OGFOD3: variants seen among roughly 807,000 people sequenced by gnomAD.
OGFOD3 encodes 2-oxoglutarate and iron-dependent oxygenase domain-containing protein 3.
Under a neutral mutation model 39.8 loss-of-function variants are expected in OGFOD3, and 35 were observed. The observed-to-expected ratio is 0.88, with a 90% CI of 0.67 to 1.17. The LOEUF (loss-of-function observed/expected upper bound fraction) is 1.17, where lower values mean the gene tolerates loss of function less well. OGFOD3 is among the 50% of genes most tolerant of loss of function. OGFOD3 has a pLI of 0.00. For synonymous variants in OGFOD3, 200 were observed against 192.0 expected (o/e 1.04, Z -0.34); for missense variants, 438 against 454.5 (o/e 0.96, Z 0.33).
At chr17:82,397,853 G>C (rs1567866480) in intron 8 of OGFOD3, among the ~76,000 whole-genome samples, 1 of 152,072 alleles carries the variant, frequency 6.6e-6, no homozygotes, top group Non-Finnish European at 1.5e-5. Flanking sequence ...TCTTTGAGAA[G>C]GGTACAGAGG....
At chr17:82,407,764 T>C (rs1225175396) in intron 4 of OGFOD3, among the ~76,000 whole-genome samples, 1 of 152,208 alleles carries the variant, frequency 6.6e-6, no homozygotes, top group East Asian at 1.9e-4. Context: ...CATGTGAACG[T>C]GGAGGAGCTG....
intron 8 of OGFOD3, chr17:82,394,261 A>G: frequency 1.5e-6 from 2 of 1,309,022 alleles, no homozygotes; most frequent in Non-Finnish European, 1.0e-6. Flanking sequence ...AAGTGCTGGG[A>G]TTACAGGCGT....
intron 7 of OGFOD3, among the ~76,000 whole-genome samples, chr17:82,398,776 T>C (rs2052717961): frequency 6.6e-6 from 1 of 151,684 alleles, no homozygotes; most frequent in Non-Finnish European, 1.5e-5. Flanking sequence ...AGCACTGTCA[T>C]TGCTTACCAT....
rs548790847 is a variant in OGFOD3 at position 82,411,628 on chromosome 17, A to G, written c.305-98T>C. On this transcript the variant is annotated intron_variant, in intron 2 of 8. Transcript: ENST00000313056. ...CAGAACTGGCTAATACGCCCGGTCA[A>G]ATGTGAATTTCAGACACACACAACC... The G allele has an allele frequency of 2.2e-5, 20 of 894,696 alleles. No homozygotes were observed. In the South Asian group the frequency reaches 2.7e-4, roughly 12 times the overall value. The allele number at this position is 894,696 out of a possible 1,614,324, so 55.4% of individuals were successfully genotyped here.
Position 82,392,688 on chromosome 17 carries a change from AG to A in OGFOD3, c.824-155del. On this transcript the variant is annotated intron_variant, in intron 8 of 8. Coordinates refer to ENST00000313056, the MANE Select transcript of OGFOD3 (RefSeq NM_024648.3). This position sits in a 1 kb window ranked among gnomAD's most constrained non-coding sequence, Gnocchi z 4.2. ...TTGCCCCTCTGGGAACTGCTTCTGCAGGAAGGAGGAGCTGGAGAAACAAACG... is the reference window on the plus strand; with the variant it reads ...TTGCCCCTCTGGGAACTGCTTCTGCAGAAGGAGGAGCTGGAGAAACAAACG... 2.3e-6 allele frequency: 2 copies of A among 888,190 alleles called. No individual in the cohort carries two copies. The highest frequency in any genetic ancestry group is 3.4e-6 in the Non-Finnish European group (2 of 596,604). The allele number at this position is 888,190 out of a possible 1,614,324, so 55.0% of individuals were successfully genotyped here.
chr17:82,402,207 G>A (rs572247886), intron 7 of OGFOD3, among the ~76,000 whole-genome samples: 1 of 152,126 alleles, frequency 6.6e-6, no homozygotes, highest in Non-Finnish European at 1.5e-5. Flanking sequence ...GGCCGAGGCA[G>A]GTGGATTGCT....
chr17:82,397,233 T>C (rs1195375853), intron 8 of OGFOD3, among the ~76,000 whole-genome samples: 1 of 152,042 alleles, frequency 6.6e-6, no homozygotes, highest in Non-Finnish European at 1.5e-5. Context: ...ACACAGTCCC[T>C]GGTCTGACTG....
intron 3 of OGFOD3, among the ~76,000 whole-genome samples, chr17:82,410,990 G>C (rs1484395954): frequency 6.6e-6 from 1 of 151,024 alleles, no homozygotes; most frequent in Non-Finnish European, 1.5e-5. Flanking sequence ...CAAGTGCTAG[G>C]ATTACAGGCA....
intron 8 of OGFOD3, chr17:82,394,358 G>A (rs62079522): frequency 0.32 from 505,948 of 1,572,568 alleles, 86,398 homozygotes; most frequent in Non-Finnish European, 0.35. Context: ...GACTCAGCAC[G>A]GCAACCAAGG....
At chr17:82,399,654 C>T (rs946771308) in intron 7 of OGFOD3, among the ~76,000 whole-genome samples, 6 of 152,194 alleles carry the variant, frequency 3.9e-5, no homozygotes, top group East Asian at 1.9e-4. Flanking sequence ...CTCTCCATTC[C>T]GCTTTCTGTC....
Position 82,398,303 on chromosome 17 carries a change from A to T in OGFOD3, c.716T>A (p.Phe239Tyr), listed in dbSNP as rs1006145318. 6.2e-7 allele frequency: 1 copy of T among 1,613,688 alleles called. No individual in the cohort carries two copies. The highest frequency in any genetic ancestry group is 1.3e-5 in the African/African-American group (1 of 74,802). The change falls in exon 8 of 9, where the codon TTC (phenylalanine) becomes TAC (tyrosine). Residue 239 changes from phenylalanine (F) to tyrosine (Y), a missense_variant. Physicochemically the swap from Phe to Tyr is conservative, Grantham distance 22 (BLOSUM62 3). Transcript: ENST00000313056. The part of the protein sequence containing the change: ...AHVDKVTYGS[F>Y]DYTSLLYLSN... ...GAGGTACAGCAGCGAGGTGTAGTCG[A>T]AGGAGCCGTAGGTCACCTGAGGGCA... is the stretch of plus-strand genomic sequence containing the variant.
chr17:82,414,858 T>G (rs1299900712), intron 2 of OGFOD3, among the ~76,000 whole-genome samples: 1 of 152,080 alleles, frequency 6.6e-6, no homozygotes. Flanking sequence ...CTACAGGGGG[T>G]GTGCGGTGGC....
Position 82,409,685 on chromosome 17 carries a change from A to G in OGFOD3, c.381-275T>C, listed in dbSNP as rs572958108. Among the ~76,000 whole-genome samples the G allele has an allele frequency of 3.3e-5, 5 of 152,354 alleles. No homozygotes were observed. In the East Asian group the frequency reaches 9.6e-4, roughly 29 times the overall value. On this transcript the variant is annotated intron_variant, in intron 3 of 8. Transcript: ENST00000313056. ...GCCAAGGCGGGTGGATCACGAGGTC[A>G]GGAGTTCCAGACCAGCCTGGCCAAC...
intron 7 of OGFOD3, among the ~76,000 whole-genome samples, chr17:82,399,699 C>T (rs1037533356): frequency 9.8e-5 from 15 of 152,328 alleles, no homozygotes; most frequent in Non-Finnish European, 2.1e-4. Flanking sequence ...TCCCCACGGA[C>T]GTGGGATCAG....
intron 7 of OGFOD3, 83 bp downstream of exon 7, chr17:82,403,854 C>G (rs569953382): frequency 2.0e-6 from 3 of 1,465,780 alleles, no homozygotes; most frequent in Admixed American, 2.0e-5. Flanking sequence ...CGCGCTCACC[C>G]TGCCCACGTG....
At chr17:82,416,828 C>G (rs932554151) in intron 1 of OGFOD3, among the ~76,000 whole-genome samples, 1 of 151,840 alleles carries the variant, frequency 6.6e-6, no homozygotes, top group Non-Finnish European at 1.5e-5. Flanking sequence ...GCACCACCAC[C>G]CCCAGCTATT....
intron 5 of OGFOD3, 120 bp from the exon 6 acceptor site, chr17:82,405,500 A>G: frequency 1.2e-6 from 1 of 825,354 alleles, no homozygotes; most frequent in Non-Finnish European, 2.0e-6. Flanking sequence ...GAGCAACTCC[A>G]TTTCCACAAT....
chr17:82,396,523 T>C (rs1015675783), intron 8 of OGFOD3: 1 of 152,216 alleles, frequency 6.6e-6, no homozygotes, highest in Non-Finnish European at 1.5e-5. Flanking sequence ...GGTAAACACA[T>C]AGATACAATT....
At chr17:82,408,569 G>C (rs1292342400) in intron 4 of OGFOD3, among the ~76,000 whole-genome samples, 1 of 150,816 alleles carries the variant, frequency 6.6e-6, no homozygotes, top group Non-Finnish European at 1.5e-5. Flanking sequence ...CTAGAGCCCA[G>C]GAGTCTAAAA....
Sources: allele counts gnomAD v4.1 joint callset (sites outside exome capture counted in the v4.1 genomes callset), GRCh38; gene constraint gnomAD v4.1.1; non-coding constraint Gnocchi (gnomAD v3.1); transcripts MANE v1.5; gene names NCBI Gene and HGNC (gene_info 2026-07-23, HGNC 2026-07-21).